MED13: variants seen among roughly 807,000 people sequenced by gnomAD.
The protein encoded by MED13 is mediator complex subunit 13.
A neutral mutation model predicts 225.2 loss-of-function variants in MED13; 23 were observed. That is an observed-to-expected ratio of 0.10 (90% confidence interval 0.07 to 0.14). The LOEUF is 0.14. Among genes scored for constraint, MED13 ranks in the 10% least tolerant of loss-of-function variants. The pLI is 1.00. For missense variants in MED13, 2,197 were observed against 2,594.5 expected, an observed-to-expected ratio of 0.85 and a Z score of 3.33; for synonymous variants, 942 against 889.2, an observed-to-expected ratio of 1.06 and a Z score of -1.06.
At position 62,031,592 on chromosome 17, in the gene MED13, C is replaced by T; in HGVS notation, c.861G>A (p.Gln287=). ...CAGGGCTAGGAGTAGGAATGTCTGA[C>T]TGAGGGACTAGAACAAAGCATGCTG... ...IYPACFVLVP[Q]SDIPTPSPVG... The change falls in exon 6 of 30, where the codon CAG becomes CAA. Residue 287 remains glutamine (Q), a synonymous_variant. Coordinates refer to ENST00000397786, the MANE Select transcript of MED13 (RefSeq NM_005121.3). The T allele has an allele frequency of 6.2e-7, 1 of 1,613,038 alleles. No homozygotes were observed. The highest frequency in any genetic ancestry group is 1.1e-5 in the South Asian group (1 of 90,904).
intron 8 of MED13, chr17:62,029,331 C>G (rs1156521842): frequency 1.9e-6 from 1 of 535,028 alleles, no homozygotes; most frequent in East Asian, 3.0e-5. Context: ...TCAGAGTCTG[C>G]CTCTGGTAAC....
intron 29 of MED13, 33 bp downstream of exon 29, chr17:61,946,884 A>G: frequency 6.6e-7 from 1 of 1,517,912 alleles, no homozygotes; most frequent in Non-Finnish European, 9.1e-7. Flanking sequence ...TTAAAGTTGC[A>G]GTGACAAACT....
rs773659925 is a variant in MED13 at position 62,063,173 on chromosome 17, T to C, written c.195A>G (p.Val65=). Residue 65 remains valine (V), a synonymous_variant, in exon 2 of 30, where the codon GTA becomes GTG. Coordinates refer to ENST00000397786, the MANE Select transcript of MED13 (RefSeq NM_005121.3). ...SSFSRCLKAD[V]LGVWRRDQRP... ...TTTGATCTCGCCGCCAAACACCAAG[T>C]ACATCTGCCTTAAGGCAGCGACTAA... 33 of 1,614,022 alleles carry C rather than the reference T, an allele frequency of 2.0e-5. No individual in the cohort carries two copies. Among genetic ancestry groups the C allele is most frequent in the African/African-American group, 2.7e-5 (2 of 74,916 alleles).
chr17:61,963,377 G>T (rs2080024053), intron 20 of MED13, among the ~76,000 whole-genome samples: 1 of 152,002 alleles, frequency 6.6e-6, no homozygotes, highest in African/African-American at 2.4e-5. Context: ...TATAAAGGTG[G>T]CTACAGGTAG....
At chr17:61,961,307 C>T (rs1343333495) in intron 22 of MED13, among the ~76,000 whole-genome samples, 1 of 151,948 alleles carries the variant, frequency 6.6e-6, no homozygotes, top group Non-Finnish European at 1.5e-5. Flanking sequence ...GGTGGGCGAT[C>T]ACCTGAGGTC....
chr17:61,970,656 T>C (rs1032458362), intron 17 of MED13, among the ~76,000 whole-genome samples: 1 of 114,904 alleles, frequency 8.7e-6, no homozygotes, highest in African/African-American at 3.4e-5. Context: ...CACTCCAGTC[T>C]GGGCAAGAGA....
chr17:61,954,461 T>C (rs1418966720), intron 26 of MED13, among the ~76,000 whole-genome samples: 1 of 152,180 alleles, frequency 6.6e-6, no homozygotes, highest in Non-Finnish European at 1.5e-5. Flanking sequence ...AAATATTTTG[T>C]GACCAACTAT....
rs1006601675 is a variant in MED13 at position 62,035,403 on chromosome 17, G to A, written c.616+60C>T. Reference sequence around the variant, plus strand: ...CATCAATCCCCAAATGTAAAATTATGAAGTCAAATAAGGATCTTTCAATAA... The same window carrying A: ...CATCAATCCCCAAATGTAAAATTATAAAGTCAAATAAGGATCTTTCAATAA... On this transcript the variant is annotated intron_variant, in intron 4 of 29. Coordinates refer to ENST00000397786, the MANE Select transcript of MED13 (RefSeq NM_005121.3). 29 of 1,347,512 alleles carry A rather than the reference G, an allele frequency of 2.2e-5. No homozygotes were observed. The South Asian group carries it at 4.2e-4, about 19-fold the overall frequency. 83.5% of individuals were successfully genotyped at this position (1,347,512 alleles called of 1,614,324 possible).
intron 9 of MED13, among the ~76,000 whole-genome samples, chr17:62,008,186 G>C (rs1336747286): frequency 6.6e-6 from 1 of 151,356 alleles, no homozygotes; most frequent in African/African-American, 2.4e-5. Flanking sequence ...AGGAGTGGTG[G>C]TGGGCGCCTG....
chr17:61,950,364 A>G (rs953893181), intron 28 of MED13, among the ~76,000 whole-genome samples: 3 of 152,258 alleles, frequency 2.0e-5, no homozygotes, highest in Non-Finnish European at 4.4e-5. Flanking sequence ...AGTTCTAAAA[A>G]TATAAATTTA....
At chr17:62,063,036 T>C (rs1395248542) in intron 2 of MED13, 31 bp downstream of exon 2, 5 of 1,505,412 alleles carry the variant, frequency 3.3e-6, no homozygotes, top group Non-Finnish European at 4.6e-6. Context: ...TGTTGCTATA[T>C]CATTAGTTAG....
rs199509098 is a variant in MED13 at position 61,962,825 on chromosome 17, A to C, written c.4991T>G (p.Leu1664Trp). 67 of 1,614,056 alleles carry C rather than the reference A, an allele frequency of 4.2e-5. No individual in the cohort carries two copies. Among genetic ancestry groups the C allele is most frequent in the Non-Finnish European group, 5.2e-5 (61 of 1,180,044 alleles). Residue 1664 changes from leucine (L) to tryptophan (W), a missense_variant, in exon 21 of 30, where the codon TTG becomes TGG. Around this residue, in one of 12 missense-constraint regions of MED13, gnomAD observed 457 missense variants for 442.2 expected, o/e 1.03. Transcript: ENST00000397786. ...TTCTAGAAAGCATCGAAGTAGCCCC[A>C]ATGTCCACACACTAGAAGAGTTAGT... ...ESTNSSSVWT[L>W]GLLRCFLEMV...
intron 2 of MED13, 81 bp downstream of exon 2, chr17:62,062,984 CTT>C: frequency 1.9e-6 from 2 of 1,059,140 alleles, no homozygotes; most frequent in Middle Eastern, 2.3e-4. Flanking sequence ...CAAAAACAAA[CTT>C]AATTTGTAAT....
At chr17:61,999,552 G>T (rs1196011127) in intron 9 of MED13, among the ~76,000 whole-genome samples, 1 of 152,022 alleles carries the variant, frequency 6.6e-6, no homozygotes, top group Non-Finnish European at 1.5e-5. Context: ...CTTATATATG[G>T]GTTATGCTAT....
In MED13 at chr17:61,956,711, T is replaced by C. The variant is rs1311564872; in HGVS notation, c.5481-230A>G. Among the ~76,000 whole-genome samples the C allele has an allele frequency of 3.3e-5, 5 of 152,172 alleles. No individual in the cohort carries two copies. In the South Asian group the frequency reaches 6.2e-4, roughly 19 times the overall value. ...TGTGCCAACACACCCAGCTAATTTT[T>C]TGTATTTTTAGTAGAGACGGGGTTT... On this transcript the variant is annotated intron_variant, in intron 23 of 29. Transcript: ENST00000397786.
At position 61,995,197 on chromosome 17, in the gene MED13, TTTA is replaced by T; in HGVS notation, c.2133_2135del (p.Asp711_Lys712delinsGlu). On this transcript the variant is annotated inframe_deletion, in exon 10 of 30. Coordinates refer to ENST00000397786, the MANE Select transcript of MED13 (RefSeq NM_005121.3). ...CTCTCTCACTATTTTGTCTATCTTT[TTTA>T]TCAGGAAAAAGGAATTCCTCATCTC... 6.2e-7 allele frequency: 1 copy of T among 1,613,832 alleles called. No homozygotes were observed. The highest frequency in any genetic ancestry group is 8.5e-7 in the Non-Finnish European group (1 of 1,179,934).
chr17:61,957,389 G>A (rs976737786), intron 23 of MED13, among the ~76,000 whole-genome samples: 1 of 150,806 alleles, frequency 6.6e-6, no homozygotes, highest in South Asian at 2.1e-4. Context: ...TTGCTCTGTC[G>A]CCTAGGCTAG....
intron 3 of MED13, among the ~76,000 whole-genome samples, chr17:62,043,359 C>A (rs1185409677): frequency 6.6e-6 from 1 of 151,878 alleles, no homozygotes; most frequent in Non-Finnish European, 1.5e-5. Context: ...ACATAATAAT[C>A]TTGATGACAG....
intron 3 of MED13, among the ~76,000 whole-genome samples, chr17:62,035,916 G>A (rs2080799120): frequency 6.6e-6 from 1 of 151,924 alleles, no homozygotes; most frequent in Non-Finnish European, 1.5e-5. Flanking sequence ...TATTGGAAAG[G>A]GATAGGCTAC....
Sources: allele counts gnomAD v4.1 joint callset (sites outside exome capture counted in the v4.1 genomes callset), GRCh38; gene constraint gnomAD v4.1.1; regional missense constraint gnomAD v4.1.1; transcripts MANE v1.5; gene names NCBI Gene and HGNC (gene_info 2026-07-23, HGNC 2026-07-21).